HERC6: variants seen among roughly 807,000 people sequenced by gnomAD.
HERC6 encodes HECT and RLD domain containing E3 ubiquitin protein ligase family member 6.
HERC6 carries 101 observed loss-of-function variants against 114.5 expected under a neutral mutation model. That is an observed-to-expected ratio of 0.88 (90% CI 0.75 to 1.04). HERC6 has a LOEUF of 1.04. Among genes scored for constraint, HERC6 ranks in the 50% least tolerant of loss-of-function variants. The pLI, the probability that HERC6 is intolerant of heterozygous loss-of-function variation, is 0.00. For missense variants in HERC6, 1,133 were observed against 1,230.9 expected (o/e 0.92, Z 1.19); for synonymous variants, 408 against 436.2 (o/e 0.94, Z 0.81).
At position 88,440,287 on chromosome 4, in the gene HERC6, T is replaced by C; in HGVS notation, c.2842+37T>C. 3.5e-6 allele frequency: 4 copies of C among 1,127,250 alleles called. 1 individual carries two copies. The South Asian group carries it at 4.1e-5, about 12-fold the overall frequency. The allele number at this position is 1,127,250 out of a possible 1,614,324, so 69.8% of individuals were successfully genotyped here. On this transcript the variant is annotated intron_variant, in intron 22 of 22. Coordinates refer to ENST00000264346, the MANE Select transcript of HERC6 (RefSeq NM_017912.4). ...GGTACTAGATGGACACATAATTATG[T>C]ATCTTTTAAAAAGGTACAGTCTTGT...
rs1736226445 is a variant in HERC6 at position 88,413,173 on chromosome 4, C to T, written c.1465C>T (p.Pro489Ser). The change falls in exon 12 of 23, where the codon CCT becomes TCT. Residue 489 changes from proline to serine, a missense_variant. Physicochemically the swap from Pro to Ser is moderately conservative, Grantham distance 74. This residue lies in a region of HERC6 where 735 missense variants were observed against 754.0 expected (regional missense o/e 0.97). Coordinates refer to ENST00000264346, the MANE Select transcript of HERC6 (RefSeq NM_017912.4). ...LSVFLLLPEC[P>S]VMHDSKNWKN... ...AGTTTTCCTCCTGCTCCCAGAATGT[C>T]CTGTGATGCATGATTCTAAGAACTG... 1 of 1,613,414 alleles carries T rather than the reference C, an allele frequency of 6.2e-7. No individual in the cohort carries two copies. Among genetic ancestry groups the T allele is most frequent in the Non-Finnish European group, 8.5e-7 (1 of 1,179,558 alleles).
intron 3 of HERC6, among the ~76,000 whole-genome samples, chr4:88,387,148 G>A (rs1734626187): frequency 6.6e-6 from 1 of 152,140 alleles, no homozygotes; most frequent in Non-Finnish European, 1.5e-5. Flanking sequence ...TGTATTTCCA[G>A]CACTTAGGGA....
Position 88,379,029 on chromosome 4 carries a change from G to C in HERC6, c.108G>C (p.Leu36=), listed in dbSNP as rs1734008494. ...LQAASGERHS[L]LLLTNHRVLS... Reference sequence around the variant, plus strand: ...CGGCCAGCGGGGAGCGCCACTCTCTGCTGCTGCTGACCAACCACAGGGTCC... The same window carrying C: ...CGGCCAGCGGGGAGCGCCACTCTCTCCTGCTGCTGACCAACCACAGGGTCC... The change falls in exon 1 of 23, where the codon CTG becomes CTC. Residue 36 remains leucine, a synonymous_variant. Transcript: ENST00000264346. 1.3e-6 allele frequency: 2 copies of C among 1,565,016 alleles called. No homozygotes were observed. The highest frequency in any genetic ancestry group is 8.6e-7 in the Non-Finnish European group (1 of 1,156,562).
intron 1 of HERC6, among the ~76,000 whole-genome samples, chr4:88,380,690 C>T (rs1442276918): frequency 6.7e-6 from 1 of 149,654 alleles, no homozygotes; most frequent in Admixed American, 6.7e-5. Flanking sequence ...GCACTCCAGC[C>T]TGGCAACAGA....
At position 88,421,451 on chromosome 4, in the gene HERC6, C is replaced by CTT. The variant is rs200388722; in HGVS notation, c.1714-2396_1714-2395dup. On this transcript the variant is annotated intron_variant, in intron 13 of 22. Coordinates refer to ENST00000264346, the MANE Select transcript of HERC6 (RefSeq NM_017912.4). ...TCCACGTTCTTTTTTCTTTTCTTTT[C>CTT]TTTTTTTTTTTTTTGAGACGGATTC... Among the ~76,000 whole-genome samples, 171 of 133,890 alleles carry CTT rather than the reference C, an allele frequency of 1.3e-3. 4 individuals are homozygous for CTT. In the East Asian group the frequency reaches 0.019, roughly 15 times the overall value. The allele number at this position is 133,890 out of a possible 152,430, so 87.8% of individuals were successfully genotyped here.
At chr4:88,409,931 T>C (rs1184988854) in intron 11 of HERC6, among the ~76,000 whole-genome samples, 1 of 152,164 alleles carries the variant, frequency 6.6e-6, no homozygotes, top group Non-Finnish European at 1.5e-5. Context: ...AACAGACATT[T>C]ATTTCTCACA....
intron 5 of HERC6, among the ~76,000 whole-genome samples, chr4:88,394,528 AATT>A (rs200735450): frequency 0.041 from 5,863 of 142,234 alleles, 392 homozygotes; most frequent in African/African-American, 0.15. Context: ...CCCTTTTAGC[AATT>A]ATTATTATTA....
chr4:88,420,930 C>G (rs957998776), intron 13 of HERC6, among the ~76,000 whole-genome samples: 19 of 152,208 alleles, frequency 1.2e-4, no homozygotes, highest in Non-Finnish European at 2.4e-4. Context: ...CCCATTCCCC[C>G]TCAACTCCCA....
chr4:88,429,536 C>T (rs1737975783), intron 16 of HERC6, among the ~76,000 whole-genome samples: 1 of 152,158 alleles, frequency 6.6e-6, no homozygotes. Flanking sequence ...TGGGTGCTTA[C>T]AGGGTTTTTA....
intron 16 of HERC6, among the ~76,000 whole-genome samples, chr4:88,430,574 A>G (rs1007644518): frequency 7.0e-6 from 1 of 143,868 alleles, no homozygotes; most frequent in African/African-American, 2.7e-5. Flanking sequence ...CATCTCAAAT[A>G]AATAAATAAA....
At chr4:88,383,568 G>A (rs1734426898) in intron 2 of HERC6, among the ~76,000 whole-genome samples, 188 bp downstream of exon 2, 1 of 151,888 alleles carries the variant, frequency 6.6e-6, no homozygotes, top group Non-Finnish European at 1.5e-5. Flanking sequence ...AGACCAGCCT[G>A]GTCAACATGG....
intron 12 of HERC6, 97 bp from the exon 13 acceptor site, chr4:88,417,328 A>G (rs909897927): frequency 7.3e-6 from 8 of 1,103,424 alleles, no homozygotes; most frequent in Non-Finnish European, 1.0e-5. Flanking sequence ...GAAATGTAAA[A>G]TATTATCTAT....
At chr4:88,418,389 C>T (rs747764551) in intron 13 of HERC6, among the ~76,000 whole-genome samples, 1 of 152,154 alleles carries the variant, frequency 6.6e-6, no homozygotes, top group Non-Finnish European at 1.5e-5. Context: ...AGGACAAGCC[C>T]AGCTTGATGA....
At chr4:88,414,766 G>C (rs1736337348) in intron 12 of HERC6, among the ~76,000 whole-genome samples, 1 of 152,148 alleles carries the variant, frequency 6.6e-6, no homozygotes, top group African/African-American at 2.4e-5. Context: ...CTTGGTTTTG[G>C]TGGATTCTAG....
chr4:88,396,229 T>C, intron 6 of HERC6, 87 bp downstream of exon 6: 1 of 1,155,116 alleles, frequency 8.7e-7, no homozygotes, highest in Non-Finnish European at 1.2e-6. Context: ...TGGAATGTTA[T>C]CAAACCTTAA....
At chr4:88,437,913 T>A in intron 20 of HERC6, 132 bp downstream of exon 20, 1 of 671,646 alleles carries the variant, frequency 1.5e-6, no homozygotes, top group Non-Finnish European at 2.5e-6. Flanking sequence ...CTGAGGTGGG[T>A]GGATCACTTG....
At chr4:88,397,255 G>T (rs1278063588) in intron 7 of HERC6, among the ~76,000 whole-genome samples, 1 of 151,770 alleles carries the variant, frequency 6.6e-6, no homozygotes, top group Non-Finnish European at 1.5e-5. Context: ...TGGGATTACA[G>T]GCATGCGCCA....
intron 22 of HERC6, among the ~76,000 whole-genome samples, chr4:88,441,105 C>T (rs1277031595): frequency 6.6e-6 from 1 of 151,498 alleles, no homozygotes; most frequent in Non-Finnish European, 1.5e-5. Flanking sequence ...CTGACTTTTT[C>T]TGCACCCTCT....
chr4:88,415,765 C>A (rs1191093624), intron 12 of HERC6, among the ~76,000 whole-genome samples: 1 of 152,178 alleles, frequency 6.6e-6, no homozygotes, highest in Non-Finnish European at 1.5e-5. Context: ...GTCTGATTTC[C>A]TGTTGCACAG....
Sources: gnomAD v4.1 joint callset for allele counts (sites outside exome capture counted in the v4.1 genomes callset) on GRCh38, gnomAD v4.1.1 for gene constraint, gnomAD v4.1.1 regional missense constraint, MANE v1.5 for transcripts, NCBI Gene and HGNC (gene_info 2026-07-23, HGNC 2026-07-21) for gene names.